ABHD1: variants seen among roughly 807,000 people sequenced by gnomAD.
ABHD1 encodes abhydrolase domain containing 1.
In ABHD1, 47 loss-of-function variants were observed where a neutral mutation model predicts 41.4. That is an observed-to-expected ratio of 1.13 (90% CI 0.90 to 1.45). The LOEUF (loss-of-function observed/expected upper bound fraction) is 1.45, where lower values mean the gene tolerates loss of function less well. Among genes scored for constraint, ABHD1 ranks in the 40% most tolerant of loss-of-function variants. ABHD1 has a pLI of 0.00. For missense variants in ABHD1, 550 were observed against 503.4 expected (o/e 1.09, Z -0.89); for synonymous variants, 205 against 203.7 (o/e 1.01, Z -0.05).
In ABHD1 at chr2:27,129,563, T is replaced by C; in HGVS notation, c.554T>C (p.Val185Ala). The stretch of plus-strand genomic sequence containing the variant: ...AATACTGAAGATCTAGAGACAGTCG[T>C]GAACCACATAAAGCATCGTTATCCC... ...ASNTEDLETV[V>A]NHIKHRYPQA... is the part of the protein sequence containing the mutation. Residue 185 changes from valine to alanine, a missense_variant, in exon 5 of 9, where the codon GTG becomes GCG. Physicochemically the swap from Val to Ala is moderately conservative, Grantham distance 64. Coordinates refer to ENST00000316470, the MANE Select transcript of ABHD1 (RefSeq NM_032604.4). 1 of 1,614,108 alleles carries C rather than the reference T, an allele frequency of 6.2e-7. No individual in the cohort carries two copies. Among genetic ancestry groups the C allele is most frequent in the Non-Finnish European group, 8.5e-7 (1 of 1,180,044 alleles).
intron 1 of ABHD1, chr2:27,124,649 A>G: frequency 4.9e-6 from 1 of 204,520 alleles, no homozygotes; most frequent in Non-Finnish European, 1.0e-5. Flanking sequence ...TCTCACTGAA[A>G]TTTAGATATA....
rs1326930755 is a variant in ABHD1, at chr2:27,128,493, G to C, written c.167G>C (p.Cys56Ser). 6.2e-7 allele frequency: 1 copy of C among 1,612,354 alleles called. No individual in the cohort carries two copies. Among genetic ancestry groups the C allele is most frequent in the African/African-American group, 1.3e-5 (1 of 74,376 alleles). Residue 56 changes from cysteine to serine, a missense_variant, in exon 2 of 9, where the codon TGT becomes TCT. Cys to Ser is a moderately radical substitution (Grantham distance 112). Coordinates refer to ENST00000316470, the MANE Select transcript of ABHD1 (RefSeq NM_032604.4). ...TTTCTGGCCTTCCTGGAGCCACACT[G>C]TTCCATCACCACCGAGACTTTCTAC... ...PQFLAFLEPH[C>S]SITTETFYPT...
chr2:27,130,258 C>T lies in ABHD1; in HGVS notation c.848C>T (p.Thr283Ile). The change falls in exon 8 of 9, where the codon ACA (threonine) becomes ATA (isoleucine). Residue 283 changes from threonine (T) to isoleucine (I), a missense_variant. Transcript: ENST00000316470. ...VDIDFVLQAR[T>I]IRQFDERYTS... ...CTATGGTAAGACCTGCAGGCCCGTACAATCCGCCAGTTTGATGAGCGCTAC... is the reference window on the plus strand; with the variant it reads ...CTATGGTAAGACCTGCAGGCCCGTATAATCCGCCAGTTTGATGAGCGCTAC... 1 of 1,614,160 alleles carries T rather than the reference C, an allele frequency of 6.2e-7. No individual in the cohort carries two copies. The highest frequency in any genetic ancestry group is 8.5e-7 in the Non-Finnish European group (1 of 1,180,026).
At chr2:27,127,856 G>A (rs550011576) in intron 1 of ABHD1, among the ~76,000 whole-genome samples, 32 of 152,148 alleles carry the variant, frequency 2.1e-4, no homozygotes, top group Admixed American at 7.9e-4. Context: ...GACTGCGCCC[G>A]GCCGGCTTCA....
chr2:27,127,479 G>T (rs1419659092), intron 1 of ABHD1, among the ~76,000 whole-genome samples: 17 of 142,478 alleles, frequency 1.2e-4, no homozygotes, highest in African/African-American at 4.4e-4. Flanking sequence ...GCGTGAACCC[G>T]GGAGGTGGAG....
Position 27,128,944 on chromosome 2 carries a change from G to A in ABHD1, c.276-1G>A. ...TTGTGTGCCTCTTCCTCCAAAACCA[G>A]TGACATCCTCCAAACACCAGATGGA... On this transcript the variant is annotated splice_acceptor_variant, in intron 2 of 8. Transcript: ENST00000316470. LOFTEE classifies it high-confidence loss of function. 6.2e-7 allele frequency: 1 copy of A among 1,612,010 alleles called. No individual in the cohort carries two copies. The highest frequency in any genetic ancestry group is 1.1e-5 in the South Asian group (1 of 90,762).
In ABHD1 at chr2:27,130,695, G is replaced by A; in HGVS notation, c.1169G>A (p.Gly390Glu). Reference sequence around the variant, plus strand: ...AAAGCCATCTTCCAGGACCCAGAGGGGCTGCCTGACCTCAGGGCTCTCTTA... The same window carrying A: ...AAAGCCATCTTCCAGGACCCAGAGGAGCTGCCTGACCTCAGGGCTCTCTTA... The part of the protein sequence containing the change: ...YAKAIFQDPE[G>E]LPDLRALLPS... The change falls in exon 9 of 9, where the codon GGG becomes GAG. Residue 390 changes from glycine to glutamate, a missense_variant. Coordinates refer to ENST00000316470, the MANE Select transcript of ABHD1 (RefSeq NM_032604.4). 1 of 1,614,208 alleles carries A rather than the reference G, an allele frequency of 6.2e-7. No individual in the cohort carries two copies. The highest frequency in any genetic ancestry group is 8.5e-7 in the Non-Finnish European group (1 of 1,180,036).
chr2:27,129,412 T>A (rs770063274), intron 4 of ABHD1, 51 bp downstream of exon 4: 4 of 1,613,294 alleles, frequency 2.5e-6, no homozygotes, highest in Non-Finnish European at 3.4e-6. Flanking sequence ...CCTTTAGAGA[T>A]CCTTGGCCCT....
intron 1 of ABHD1, chr2:27,125,389 T>C (rs1372801450): frequency 3.3e-5 from 5 of 152,238 alleles, no homozygotes; most frequent in African/African-American, 1.2e-4. Context: ...GGAGGCCCTC[T>C]AGATACGGTG....
At position 27,128,438 on chromosome 2, in the gene ABHD1, C is replaced by G; in HGVS notation, c.115-3C>G. 5 of 1,613,972 alleles carry G rather than the reference C, an allele frequency of 3.1e-6. No homozygotes were observed. Among genetic ancestry groups the G allele is most frequent in the Admixed American group, 1.7e-5 (1 of 60,010 alleles). On this transcript the variant is annotated splice_polypyrimidine_tract_variant and splice_region_variant and intron_variant, in intron 1 of 8. Transcript: ENST00000316470. ...AGTGGGGCAGACTGCTGTGTGATTA[C>G]AGAGGCCTCGGCTGGTGGCTGGGCC... is the stretch of plus-strand genomic sequence containing the variant.
intron 1 of ABHD1, among the ~76,000 whole-genome samples, chr2:27,127,553 CAAAAAAAAAAAAAAAAAA>C (rs201652223): frequency 0.55 from 52,862 of 96,492 alleles, 13,461 homozygotes; most frequent in East Asian, 0.76. Flanking sequence ...GACTCTGTCT[CAAAAAAAAAAAAAAAAAA>C]GAAAAAAAAA....
At position 27,130,539 on chromosome 2, in the gene ABHD1, C is replaced by T. The variant is rs866514740; in HGVS notation, c.1013C>T (p.Pro338Leu). Residue 338 changes from proline to leucine, a missense_variant, in exon 9 of 9, where the codon CCC (proline) becomes CTC (leucine). Physicochemically the swap from Pro to Leu is moderately conservative, Grantham distance 98. Coordinates refer to ENST00000316470, the MANE Select transcript of ABHD1 (RefSeq NM_032604.4). ...ACCTCTGACCCTCTCCTAGCCCTTC[C>T]CATACAGGCCGCCCAACACTCCCCC... ...DDPFSPVCAL[P>L]IQAAQHSPYV... 1 of 1,614,128 alleles carries T rather than the reference C, an allele frequency of 6.2e-7. No homozygotes were observed. Among genetic ancestry groups the T allele is most frequent in the Non-Finnish European group, 8.5e-7 (1 of 1,179,960 alleles).
intron 1 of ABHD1, chr2:27,125,097 A>T (rs973106410): frequency 6.6e-6 from 1 of 151,772 alleles, no homozygotes; most frequent in African/African-American, 2.4e-5. Context: ...GCCTCGTGCC[A>T]TTGCACTCCA....
chr2:27,124,310 G>T (rs933084530), intron 1 of ABHD1: 14 of 604,276 alleles, frequency 2.3e-5, no homozygotes, highest in Non-Finnish European at 3.7e-5. Flanking sequence ...TTTGGGGAAA[G>T]GTGGGGTGGA....
chr2:27,128,430 T>A lies in ABHD1; in HGVS notation c.115-11T>A. The A allele has an allele frequency of 6.2e-7, 1 of 1,613,832 alleles. No individual in the cohort carries two copies. The highest frequency in any genetic ancestry group is 8.5e-7 in the Non-Finnish European group (1 of 1,179,990). ...GTCAGGGAAGTGGGGCAGACTGCTG[T>A]GTGATTACAGAGGCCTCGGCTGGTG... On this transcript the variant is annotated splice_polypyrimidine_tract_variant and intron_variant, in intron 1 of 8. Transcript: ENST00000316470.
chr2:27,130,144 T>G lies in ABHD1; in HGVS notation c.831T>G (p.Phe277Leu). 1 of 1,614,232 alleles carries G rather than the reference T, an allele frequency of 6.2e-7. No homozygotes were observed. Among genetic ancestry groups the G allele is most frequent in the Admixed American group, 1.7e-5 (1 of 60,022 alleles). Residue 277 changes from phenylalanine (F) to leucine (L), a missense_variant, in exon 7 of 9, where the codon TTT (phenylalanine) becomes TTG (leucine). Phe to Leu is a conservative substitution (Grantham distance 22). Coordinates refer to ENST00000316470, the MANE Select transcript of ABHD1 (RefSeq NM_032604.4). ...TTGAAAAGGTGGTGGACATAGACTT[T>G]GTACTACAGGTATAATATTCAGCCA... ...KVIEKVVDID[F>L]VLQARTIRQF... is the part of the protein sequence containing the mutation.
At chr2:27,125,378 T>TG (rs1671918156) in intron 1 of ABHD1, 1 of 152,228 alleles carries the variant, frequency 6.6e-6, no homozygotes, top group Non-Finnish European at 1.5e-5. Context: ...AGTGCCATTC[T>TG]GGAGGCCCTC....
Position 27,129,130 on chromosome 2 carries a change from A to G in ABHD1, c.458+3A>G. 6.2e-7 allele frequency: 1 copy of G among 1,612,210 alleles called. No homozygotes were observed. Among genetic ancestry groups the G allele is most frequent in the Non-Finnish European group, 8.5e-7 (1 of 1,179,320 alleles). On this transcript the variant is annotated splice_donor_region_variant and intron_variant, in intron 3 of 8. Coordinates refer to ENST00000316470, the MANE Select transcript of ABHD1 (RefSeq NM_032604.4). ...CAAGCTCTGAGGGATGGCTACCAGT[A>G]AGGATGGGTGCAGCCCCAGAGTGGG... is the stretch of plus-strand genomic sequence containing the variant.
chr2:27,129,774 T>G lies in ABHD1; in HGVS notation c.638T>G (p.Leu213Arg). The G allele has an allele frequency of 6.2e-7, 1 of 1,614,174 alleles. No individual in the cohort carries two copies. The highest frequency in any genetic ancestry group is 1.6e-4 in the Middle Eastern group (1 of 6,062). Reference protein sequence around the residue: ...SFGGILVLNHLAQARQAAGLV... With the variant: ...SFGGILVLNHRAQARQAAGLV... ...CACAGGATACTGGTGCTGAATCACCTGGCACAGGCCAGGCAGGCTGCAGGG... is the reference window on the plus strand; with the variant it reads ...CACAGGATACTGGTGCTGAATCACCGGGCACAGGCCAGGCAGGCTGCAGGG... Residue 213 changes from leucine (L) to arginine (R), a missense_variant, in exon 6 of 9, where the codon CTG becomes CGG. Leu to Arg is a moderately radical substitution (Grantham distance 102). Coordinates refer to ENST00000316470, the MANE Select transcript of ABHD1 (RefSeq NM_032604.4).
Sources: allele counts gnomAD v4.1 joint callset (sites outside exome capture counted in the v4.1 genomes callset), GRCh38; gene constraint gnomAD v4.1.1; transcripts MANE v1.5; gene names NCBI Gene and HGNC (gene_info 2026-07-23, HGNC 2026-07-21).